The following SHB variants were observed in gnomAD, a reference collection of about 807,000 sequenced individuals.
SHB encodes SH2 domain containing adaptor protein B.
A neutral mutation model predicts 52.3 loss-of-function variants in SHB; 20 were observed. The ratio of observed to expected loss-of-function variants is 0.38; its 90% CI spans 0.27 to 0.56. The LOEUF is 0.56. Ranked by LOEUF, SHB falls within the 20% of genes least tolerant of loss-of-function variation. The pLI, the probability that SHB is intolerant of heterozygous loss-of-function variation, is 0.71. For missense variants in SHB, 825 were observed against 723.3 expected (o/e 1.14, Z -1.61); for synonymous variants, 397 against 316.5 (o/e 1.25, Z -2.70).
chr9:38,010,742 TGGC>T (rs936697264), intron 2 of SHB, among the ~76,000 whole-genome samples: 106 of 152,330 alleles, frequency 7.0e-4, no homozygotes, highest in African/African-American at 2.4e-3. Flanking sequence ...TGGAGGGCAG[TGGC>T]GGTATCTGCC....
intron 1 of SHB, among the ~76,000 whole-genome samples, chr9:38,045,052 T>C (rs1181128808): frequency 6.6e-6 from 1 of 152,120 alleles, no homozygotes; most frequent in African/African-American, 2.4e-5. Flanking sequence ...GAGCCTTGCA[T>C]CCTGGCACAA....
At position 37,916,000 on chromosome 9, in the gene SHB, G is replaced by A. The variant is rs988071990; in HGVS notation, c.*3821C>T. On this transcript the variant is annotated 3_prime_UTR_variant, in exon 6 of 6. Coordinates refer to ENST00000377707, the MANE Select transcript of SHB (RefSeq NM_003028.3). ...ATGTTACAAGAGACTTCAGCAGTAG[G>A]TGGCTGGTTTAAGGCTCCTGGCAGG... Among the ~76,000 whole-genome samples the A allele has an allele frequency of 1.4e-4, 22 of 152,246 alleles. No homozygotes were observed. Among genetic ancestry groups the A allele is most frequent in the African/African-American group, 5.1e-4 (21 of 41,464 alleles).
At chr9:37,942,957 A>G (rs1423852261) in intron 5 of SHB, among the ~76,000 whole-genome samples, 1 of 152,092 alleles carries the variant, frequency 6.6e-6, no homozygotes, top group Non-Finnish European at 1.5e-5. Context: ...CCTCGCCAGT[A>G]CTCATGGGCC....
intron 1 of SHB, among the ~76,000 whole-genome samples, chr9:38,031,831 G>A (rs114496448): frequency 3.0e-4 from 46 of 152,314 alleles, no homozygotes; most frequent in African/African-American, 1.1e-3. Context: ...TATCCTGAAA[G>A]GGAGGCAAAG....
rs1342025328 is a variant in SHB, at chr9:37,927,931, CCTCTCTTTCTCTTT to C, written c.1347-7941_1347-7928del. On this transcript the variant is annotated intron_variant, in intron 5 of 5. Transcript: ENST00000377707. Reference sequence around the variant, plus strand: ...GGGTCTAGGGCTTCTTTCTTTCCTTCCTCTCTTTCTCTTTCTCTCTTTTTTTTTTTTCTACCTCT... The same window carrying C: ...GGGTCTAGGGCTTCTTTCTTTCCTTCCTCTCTTTTTTTTTTTTCTACCTCT... Among the ~76,000 whole-genome samples, 12 of 151,750 alleles carry C rather than the reference CCTCTCTTTCTCTTT, an allele frequency of 7.9e-5. No individual in the cohort carries two copies. The East Asian group carries it at 1.2e-3, about 15-fold the overall frequency.
chr9:37,956,800 C>T (rs942559684), intron 3 of SHB, among the ~76,000 whole-genome samples: 1 of 152,208 alleles, frequency 6.6e-6, no homozygotes, highest in East Asian at 1.9e-4. Context: ...TGCCAGTTAT[C>T]CAGCTGGGCC....
intron 1 of SHB, among the ~76,000 whole-genome samples, chr9:38,033,428 G>A (rs1821441744): frequency 6.6e-6 from 1 of 152,182 alleles, no homozygotes; most frequent in South Asian, 2.1e-4. Context: ...ACCCCAGCTG[G>A]TGCGGTGGCT....
Position 38,044,897 on chromosome 9 carries a change from G to A in SHB, c.717+23032C>T, listed in dbSNP as rs551038142. ...GCCATGACATGGTGTGACTGCTTCC[G>A]CCAGAGGTGTGGACATGTGTACACA... On this transcript the variant is annotated intron_variant, in intron 1 of 5. Coordinates refer to ENST00000377707, the MANE Select transcript of SHB (RefSeq NM_003028.3). Among the ~76,000 whole-genome samples the A allele has an allele frequency of 3.5e-4, 53 of 152,306 alleles. No homozygotes were observed. In the South Asian group the frequency reaches 6.6e-3, roughly 19 times the overall value.
intron 3 of SHB, among the ~76,000 whole-genome samples, chr9:37,966,626 T>C (rs569023469): frequency 3.3e-5 from 5 of 152,182 alleles, no homozygotes; most frequent in African/African-American, 1.2e-4. Flanking sequence ...AATTGTTAAT[T>C]TCCTCACAGG....
chr9:38,012,287 A>G (rs76353016), intron 2 of SHB, among the ~76,000 whole-genome samples: 2 of 152,184 alleles, frequency 1.3e-5, no homozygotes, highest in African/African-American at 4.8e-5. Flanking sequence ...AATGCTCCAC[A>G]TGATGGTTCA....
chr9:37,975,848 G>T (rs1820646625), intron 2 of SHB, among the ~76,000 whole-genome samples: 1 of 152,178 alleles, frequency 6.6e-6, no homozygotes, highest in Non-Finnish European at 1.5e-5. Context: ...GGGCCTGGGA[G>T]TGGCAGGGCA....
At chr9:37,990,033 A>T (rs1487923957) in intron 2 of SHB, among the ~76,000 whole-genome samples, 1 of 152,158 alleles carries the variant, frequency 6.6e-6, no homozygotes, top group Non-Finnish European at 1.5e-5. Flanking sequence ...GGGCCCTGAA[A>T]AGCCGTCCTT....
intron 2 of SHB, among the ~76,000 whole-genome samples, chr9:38,001,183 C>T (rs958991669): frequency 6.6e-6 from 1 of 152,212 alleles, no homozygotes; most frequent in East Asian, 1.9e-4. Context: ...ACTTGCATGG[C>T]TGATACCTGG....
chr9:37,959,315 T>C (rs1008756152), intron 3 of SHB, among the ~76,000 whole-genome samples: 1 of 152,162 alleles, frequency 6.6e-6, no homozygotes, highest in African/African-American at 2.4e-5. Context: ...CACTTCTCCA[T>C]GATGCCTCCC....
intron 2 of SHB, among the ~76,000 whole-genome samples, chr9:38,001,589 G>A (rs528174755): frequency 8.5e-5 from 13 of 152,364 alleles, no homozygotes; most frequent in African/African-American, 2.9e-4. Context: ...TGTCCAGGCG[G>A]GTTGGGTTCG....
At chr9:37,927,015 G>A (rs899335544) in intron 5 of SHB, among the ~76,000 whole-genome samples, 3 of 152,218 alleles carry the variant, frequency 2.0e-5, no homozygotes, top group Non-Finnish European at 4.4e-5. Flanking sequence ...AGCTGGGAGG[G>A]CTGGCATTAT....
rs770985905 is a variant in SHB at position 38,068,196 on chromosome 9, C to T, written c.450G>A (p.Ala150=). The change falls in exon 1 of 6, where the codon GCG becomes GCA. Residue 150 remains alanine (A), a synonymous_variant. Transcript: ENST00000377707. ...GAGAGCCGGAGGACGAGGACGAGGA[C>T]GCGGCGGCCCCCGCGCCCGAGGAGG... ...CCASSGAGAA[A]SSSSSSGSPH... The T allele has an allele frequency of 5.7e-6, 8 of 1,405,546 alleles. No individual in the cohort carries two copies. The East Asian group carries it at 1.8e-4, about 31-fold the overall frequency. The allele number at this position is 1,405,546 out of a possible 1,614,324, so 87.1% of individuals were successfully genotyped here.
chr9:37,949,866 A>AG (rs1043771304), intron 4 of SHB, among the ~76,000 whole-genome samples: 4 of 152,310 alleles, frequency 2.6e-5, no homozygotes, highest in African/African-American at 9.6e-5. Context: ...GCAGAATCTG[A>AG]GGGGAGGAGT....
At chr9:37,924,771 T>TTAGAATGATCTAAC (rs1832227833) in intron 5 of SHB, among the ~76,000 whole-genome samples, 1 of 152,196 alleles carries the variant, frequency 6.6e-6, no homozygotes, top group Non-Finnish European at 1.5e-5. Flanking sequence ...CAAACAACTT[T>TTAGAATGATCTAAC]AAGTTGTTAG....
Sources: gnomAD v4.1 joint callset for allele counts (sites outside exome capture counted in the v4.1 genomes callset) on GRCh38, gnomAD v4.1.1 for gene constraint, MANE v1.5 for transcripts, NCBI Gene and HGNC (gene_info 2026-07-23, HGNC 2026-07-21) for gene names.